DLGAP5: variants seen among roughly 807,000 people sequenced by gnomAD.
DLGAP5 encodes the protein disks large-associated protein 5.
DLGAP5 carries 90 observed loss-of-function variants against 99.6 expected under a neutral mutation model. The observed-to-expected ratio is 0.90, with a 90% CI of 0.76 to 1.08. The LOEUF is 1.08. DLGAP5 is among the 50% of genes least tolerant of loss of function. DLGAP5 has a pLI of 0.00. For missense variants in DLGAP5, 1,036 were observed against 983.5 expected (o/e 1.05, Z -0.71); for synonymous variants, 311 against 321.3 (o/e 0.97, Z 0.34).
At chr14:55,150,052 CAAAA>C (rs559049001) in intron 18 of DLGAP5, among the ~76,000 whole-genome samples, 1 of 93,312 alleles carries the variant, frequency 1.1e-5, no homozygotes. Context: ...AACTCTGTCT[CAAAA>C]AAAAAAAAAA....
At position 55,180,676 on chromosome 14, in the gene DLGAP5, G is replaced by A. The variant is rs772959439; in HGVS notation, c.683C>T (p.Pro228Leu). Residue 228 changes from proline to leucine, a missense_variant, in exon 6 of 19, where the codon CCA becomes CTA. Pro to Leu is a moderately conservative substitution (Grantham distance 98). Coordinates refer to ENST00000247191, the MANE Select transcript of DLGAP5 (RefSeq NM_014750.5). ...CTCACCATTAGCAGCTCTTGTGACT[G>A]GCTTTCTTGCTGTGGTAGATGAGAC... is the stretch of plus-strand genomic sequence containing the variant. Reference protein sequence around the residue: ...RTVSSTTARKPVTRAANENEP... With the variant: ...RTVSSTTARKLVTRAANENEP... 6.2e-7 allele frequency: 1 copy of A among 1,614,158 alleles called. No individual in the cohort carries two copies. The highest frequency in any genetic ancestry group is 2.2e-5 in the East Asian group (1 of 44,888).
intron 12 of DLGAP5, among the ~76,000 whole-genome samples, chr14:55,165,530 C>CA (rs990774030): frequency 0.01 from 1,488 of 144,286 alleles, 21 homozygotes; most frequent in African/African-American, 0.033. Flanking sequence ...ACTTAAAAAA[C>CA]AAAAAAAAAA....
chr14:55,179,583 T>G, intron 7 of DLGAP5, 46 bp downstream of exon 7: 15 of 1,495,216 alleles, frequency 1.0e-5, no homozygotes, highest in African/African-American at 1.4e-5. Context: ...AAAGTAGCAA[T>G]GAGATTTTCA....
At chr14:55,181,379 C>A in intron 4 of DLGAP5, 82 bp from the exon 5 acceptor site, 1 of 1,106,448 alleles carries the variant, frequency 9.0e-7, no homozygotes. Context: ...ATTGATTCCT[C>A]ATATGAAATC....
chr14:55,155,539 G>C (rs1473443677), intron 14 of DLGAP5, among the ~76,000 whole-genome samples: 4 of 148,746 alleles, frequency 2.7e-5, no homozygotes, highest in African/African-American at 7.4e-5. Flanking sequence ...GTAGAGATGA[G>C]GTTTCACCAT....
chr14:55,168,798 CA>C (rs1882737840), intron 12 of DLGAP5, among the ~76,000 whole-genome samples: 1 of 152,080 alleles, frequency 6.6e-6, no homozygotes. Context: ...ACTCAACTAC[CA>C]AAGGCCAGTT....
At chr14:55,187,963 C>T (rs959731491) in intron 2 of DLGAP5, among the ~76,000 whole-genome samples, 8 of 152,148 alleles carry the variant, frequency 5.3e-5, no homozygotes, top group African/African-American at 1.7e-4. Context: ...ACATATCAGG[C>T]ACACTCCTAC....
rs1220900180 is a variant in DLGAP5 at position 55,163,072 on chromosome 14, C to T, written c.1552G>A (p.Glu518Lys). The T allele has an allele frequency of 6.3e-7, 1 of 1,583,458 alleles. No homozygotes were observed. The highest frequency in any genetic ancestry group is 1.2e-5 in the South Asian group (1 of 85,704). ...GFWDMVSFQI[E>K]DVIHKFNNLI... Reference sequence around the variant, plus strand: ...TTGTTGAATTTGTGGATTACATCTTCTATCTGTTAATAAAGCACAAGTTTA... The same window carrying T: ...TTGTTGAATTTGTGGATTACATCTTTTATCTGTTAATAAAGCACAAGTTTA... Residue 518 changes from glutamate to lysine, a missense_variant, in exon 13 of 19, where the codon GAA (glutamate) becomes AAA (lysine). Coordinates refer to ENST00000247191, the MANE Select transcript of DLGAP5 (RefSeq NM_014750.5).
chr14:55,150,931 T>A (rs962743456), intron 17 of DLGAP5, 83 bp from the exon 18 acceptor site: 20 of 912,972 alleles, frequency 2.2e-5, no homozygotes, highest in Non-Finnish European at 2.8e-5. Context: ...ATGAAAAATA[T>A]GAAAAGTTCC....
intron 7 of DLGAP5, among the ~76,000 whole-genome samples, chr14:55,179,196 T>C (rs1434760337): frequency 6.6e-6 from 1 of 152,180 alleles, no homozygotes; most frequent in African/African-American, 2.4e-5. Flanking sequence ...ACAACTACTC[T>C]ATGCAGGTAT....
intron 15 of DLGAP5, among the ~76,000 whole-genome samples, chr14:55,153,117 G>C (rs1446914876): frequency 6.6e-6 from 1 of 151,998 alleles, no homozygotes; most frequent in Admixed American, 6.6e-5. Context: ...TTCAAAAAGC[G>C]GAACAGGAGT....
chr14:55,154,738 A>C lies in DLGAP5; in HGVS notation c.1942T>G (p.Ser648Ala). 1 of 1,614,148 alleles carries C rather than the reference A, an allele frequency of 6.2e-7. No homozygotes were observed. The change falls in exon 15 of 19, where the codon TCT becomes GCT. Residue 648 changes from serine (S) to alanine (A), a missense_variant. Ser to Ala is a moderately conservative substitution (Grantham distance 99). Transcript: ENST00000247191. ...ATGCCCATCTCATTTCTACTCTGAG[A>C]TACAGCTTTGTTGACAGACTTAGGT... Reference protein sequence around the residue: ...GTPKSVNKAVSQSRNEMGIPQ... With the variant: ...GTPKSVNKAVAQSRNEMGIPQ...
chr14:55,150,918 G>T, intron 17 of DLGAP5, 70 bp from the exon 18 acceptor site: 2 of 1,049,546 alleles, frequency 1.9e-6, no homozygotes, highest in Non-Finnish European at 2.7e-6. Context: ...AATGGACAAA[G>T]CCATGAAAAA....
In DLGAP5 at chr14:55,152,663, A is replaced by G. The variant is rs1385234437; in HGVS notation, c.2064-16T>C. 2 of 1,586,594 alleles carry G rather than the reference A, an allele frequency of 1.3e-6. No individual in the cohort carries two copies. The highest frequency in any genetic ancestry group is 2.2e-5 in the East Asian group (1 of 44,672). ...TATGCTGCTCCTAAAGAAGAAAAAA[A>G]GCAGCATTACACTCATAAACATATT... is the stretch of plus-strand genomic sequence containing the variant. On this transcript the variant is annotated splice_polypyrimidine_tract_variant and intron_variant, in intron 15 of 18. Transcript: ENST00000247191.
intron 16 of DLGAP5, among the ~76,000 whole-genome samples, chr14:55,152,268 G>A (rs555355446): frequency 1.4e-4 from 22 of 152,314 alleles, no homozygotes; most frequent in African/African-American, 5.3e-4. Context: ...CTCTACCACT[G>A]TATTGCAAAA....
chr14:55,164,737 C>T (rs1003524086), intron 12 of DLGAP5, among the ~76,000 whole-genome samples: 23 of 151,906 alleles, frequency 1.5e-4, no homozygotes, highest in Admixed American at 5.2e-4. Context: ...GCCCGGCCAA[C>T]GTAGTGAAAC....
At chr14:55,171,525 T>C (rs1319675112) in intron 10 of DLGAP5, among the ~76,000 whole-genome samples, 6 of 152,214 alleles carry the variant, frequency 3.9e-5, no homozygotes, top group Admixed American at 6.5e-5. Context: ...TTGATGGGAA[T>C]GTAAAACGGC....
At chr14:55,160,523 A>G (rs868454954) in intron 13 of DLGAP5, among the ~76,000 whole-genome samples, 2 of 151,756 alleles carry the variant, frequency 1.3e-5, no homozygotes, top group East Asian at 2.0e-4. Flanking sequence ...TCTCGGTTCA[A>G]TGTAACCTCT....
intron 7 of DLGAP5, among the ~76,000 whole-genome samples, 193 bp from the exon 8 acceptor site, chr14:55,177,529 C>G (rs539977798): frequency 6.6e-6 from 1 of 150,932 alleles, no homozygotes; most frequent in African/African-American, 2.5e-5. Flanking sequence ...TGCTATTACC[C>G]GGGAATAGAA....
Sources: gnomAD v4.1 joint callset for allele counts (sites outside exome capture counted in the v4.1 genomes callset) on GRCh38, gnomAD v4.1.1 for gene constraint, MANE v1.5 for transcripts, NCBI Gene and HGNC (gene_info 2026-07-23, HGNC 2026-07-21) for gene names.